NR5A2: variants seen among roughly 807,000 people sequenced by gnomAD.
NR5A2 encodes nuclear receptor subfamily 5 group A member 2, also known as CYP7A promoter-binding factor.
A neutral mutation model predicts 62.7 loss-of-function variants in NR5A2; 26 were observed. That is an observed-to-expected ratio of 0.41 (90% CI 0.30 to 0.58). The LOEUF (loss-of-function observed/expected upper bound fraction) is 0.58. Ranked by LOEUF, NR5A2 falls within the 20% of genes least tolerant of loss-of-function variation. NR5A2 has a pLI of 0.22. For missense variants in NR5A2, 541 were observed against 669.1 expected (o/e 0.81, Z 2.11); for synonymous variants, 246 against 241.7 (o/e 1.02, Z -0.16).
chr1:200,173,444 A>T (rs1350002855), intron 7 of NR5A2, among the ~76,000 whole-genome samples: 1 of 152,270 alleles, frequency 6.6e-6, no homozygotes, highest in Non-Finnish European at 1.5e-5. Flanking sequence ...AGCATAGGCT[A>T]GACAAGTCAA....
rs1472459456 is a variant in NR5A2 at position 200,062,226 on chromosome 1, T to TG, written c.1110+13408_1110+13409insG. ...TCCCAAATAATTCTCCCTGGCAGAT[T>TG]TTGTGTGTGTGTGTGTGTGTGTGTG... On this transcript the variant is annotated intron_variant, in intron 5 of 7. Transcript: ENST00000367362. Among the ~76,000 whole-genome samples the TG allele has an allele frequency of 2.3e-3, 252 of 110,166 alleles. 1 individual carries two copies. Among genetic ancestry groups the TG allele is most frequent in the African/African-American group, 6.8e-3 (192 of 28,252 alleles). 72.3% of individuals were successfully genotyped at this position (110,166 alleles called of 152,430 possible).
chr1:200,043,440 G>T (rs541431531), intron 2 of NR5A2, among the ~76,000 whole-genome samples: 2 of 152,354 alleles, frequency 1.3e-5, no homozygotes, highest in South Asian at 4.1e-4. Flanking sequence ...GGATTTAAAA[G>T]AAATTCTAAA....
In NR5A2 at chr1:200,147,270, C is replaced by T. The variant is rs1003654164; in HGVS notation, c.1378+26315C>T. On this transcript the variant is annotated intron_variant, in intron 7 of 7. Transcript: ENST00000367362. This position sits in a 1 kb window ranked among gnomAD's most constrained non-coding sequence, Gnocchi z 4.9. ...GGTGTCAGGAGACCTTAGCAATGGC[C>T]CAGGTTCGCTGGCTGCATCTGCTGT... Among the ~76,000 whole-genome samples the T allele has an allele frequency of 1.3e-5, 2 of 152,194 alleles. No individual in the cohort carries two copies.
At chr1:200,142,767 C>G (rs1667504102) in intron 7 of NR5A2, among the ~76,000 whole-genome samples, 1 of 152,016 alleles carries the variant, frequency 6.6e-6, no homozygotes. Flanking sequence ...CATTACGTAT[C>G]TTTTAAATTT....
intron 1 of NR5A2, among the ~76,000 whole-genome samples, chr1:200,036,814 G>A (rs1451875822): frequency 6.6e-6 from 1 of 152,168 alleles, no homozygotes; most frequent in East Asian, 1.9e-4. Flanking sequence ...GAGACTTTCT[G>A]CTCTTTCAGT....
intron 5 of NR5A2, among the ~76,000 whole-genome samples, chr1:200,074,043 TTTC>T (rs1663883925): frequency 6.6e-6 from 1 of 152,202 alleles, no homozygotes; most frequent in African/African-American, 2.4e-5. Context: ...CTCTTGAATT[TTTC>T]TTCAAGACTG....
chr1:200,072,158 T>C (rs1419441432), intron 5 of NR5A2, among the ~76,000 whole-genome samples: 1 of 152,140 alleles, frequency 6.6e-6, no homozygotes, highest in East Asian at 1.9e-4. Context: ...AATTTTTCTG[T>C]TTTTAGGTGC....
At chr1:200,056,914 T>C (rs1258466380) in intron 5 of NR5A2, among the ~76,000 whole-genome samples, 1 of 152,204 alleles carries the variant, frequency 6.6e-6, no homozygotes, top group East Asian at 1.9e-4. Context: ...ACCACACTGC[T>C]ACCGCATACC....
intron 5 of NR5A2, among the ~76,000 whole-genome samples, chr1:200,088,031 A>G (rs1187640335): frequency 6.6e-6 from 1 of 151,954 alleles, no homozygotes; most frequent in East Asian, 1.9e-4. Flanking sequence ...GATTACACGT[A>G]TGAACCACCA....
At chr1:200,051,413 T>C (rs1055487366) in intron 5 of NR5A2, among the ~76,000 whole-genome samples, 2 of 152,202 alleles carry the variant, frequency 1.3e-5, no homozygotes, top group Admixed American at 6.5e-5. Context: ...TTATATAGCA[T>C]GAGGTTAAAT....
rs190403116 is a variant in NR5A2, at chr1:200,030,364, G to A, written c.64+2453G>A. Among the ~76,000 whole-genome samples the A allele has an allele frequency of 7.9e-5, 12 of 152,312 alleles. 1 individual carries two copies. Among genetic ancestry groups the A allele is most frequent in the Admixed American group, 3.9e-4 (6 of 15,290 alleles). On this transcript the variant is annotated intron_variant, in intron 1 of 7. Transcript: ENST00000367362. ...ACACTGATGGTTACATGAAAGTTTT[G>A]TATAGATGTCTGTGCTTGTATAGAA...
intron 5 of NR5A2, among the ~76,000 whole-genome samples, chr1:200,071,067 G>A (rs1663720626): frequency 1.3e-5 from 2 of 152,120 alleles, no homozygotes; most frequent in African/African-American, 2.4e-5. Flanking sequence ...TAGAGCAATT[G>A]ACTTCTTTGG....
chr1:200,127,115 GA>G (rs1300657402), intron 7 of NR5A2, among the ~76,000 whole-genome samples: 2 of 152,226 alleles, frequency 1.3e-5, no homozygotes, highest in East Asian at 3.9e-4. Context: ...AACAAAACTA[GA>G]TGATTTATCC....
intron 5 of NR5A2, among the ~76,000 whole-genome samples, chr1:200,104,483 T>A (rs1665548248): frequency 6.6e-6 from 1 of 152,198 alleles, no homozygotes; most frequent in African/African-American, 2.4e-5. Context: ...GTTTGGGTTT[T>A]AATTTTTCTC....
chr1:200,063,508 G>A (rs907001302), intron 5 of NR5A2, among the ~76,000 whole-genome samples: 2 of 152,152 alleles, frequency 1.3e-5, no homozygotes, highest in African/African-American at 4.8e-5. Context: ...GCTGATGAGT[G>A]TTATTGAAGG....
At chr1:200,073,644 T>C (rs1663858538) in intron 5 of NR5A2, among the ~76,000 whole-genome samples, 4 of 152,076 alleles carry the variant, frequency 2.6e-5, no homozygotes, top group African/African-American at 2.4e-5. Flanking sequence ...AATCCACGGA[T>C]GTAGAAGATA....
intron 5 of NR5A2, among the ~76,000 whole-genome samples, chr1:200,059,551 G>A (rs1663091559): frequency 6.6e-6 from 1 of 152,108 alleles, no homozygotes; most frequent in South Asian, 2.1e-4. Flanking sequence ...TCAGTGTTGG[G>A]GAGGTAGAGC....
intron 7 of NR5A2, among the ~76,000 whole-genome samples, chr1:200,157,549 A>G (rs1174242990): frequency 1.3e-5 from 2 of 152,252 alleles, no homozygotes; most frequent in African/African-American, 4.8e-5. Flanking sequence ...TCAAGCTCCA[A>G]AAGTTCTTAG....
chr1:200,104,206 ACTT>A (rs958656286), intron 5 of NR5A2, among the ~76,000 whole-genome samples: 4 of 152,198 alleles, frequency 2.6e-5, no homozygotes, highest in Non-Finnish European at 4.4e-5. Context: ...GCAGGGAAGA[ACTT>A]CTGGTTATAA....
Sources: gnomAD v4.1 joint callset for allele counts (sites outside exome capture counted in the v4.1 genomes callset) on GRCh38, gnomAD v4.1.1 for gene constraint, Gnocchi (gnomAD v3.1) non-coding constraint, MANE v1.5 for transcripts, NCBI Gene and HGNC (gene_info 2026-07-23, HGNC 2026-07-21) for gene names.